PLCXD1: variants seen among roughly 807,000 people sequenced by gnomAD.
The protein encoded by PLCXD1 is phosphatidylinositol specific phospholipase C X domain containing 1, also known as PI-PLC X domain-containing protein 1.
In PLCXD1, 45 loss-of-function variants were observed where a neutral mutation model predicts 37.8. The ratio of observed to expected loss-of-function variants is 1.19; its 90% CI spans 0.94 to 1.53. The LOEUF (loss-of-function observed/expected upper bound fraction) is 1.53. Ranked by LOEUF, PLCXD1 falls within the 40% of genes most tolerant of loss-of-function variation. The pLI, the probability that PLCXD1 is intolerant of heterozygous loss-of-function variation, is 0.00. For missense variants in PLCXD1, 539 were observed against 454.7 expected (o/e 1.19, Z -1.69); for synonymous variants, 246 against 206.9 (o/e 1.19, Z -1.62).
At chrX:283,859 T>G (rs2069359216) in intron 1 of PLCXD1, 20 of 196,006 alleles carry the variant, frequency 1.0e-4, no homozygotes, top group East Asian at 2.6e-4. Context: ...CAAGGACCCC[T>G]TTTCCTCTCT....
rs747565311 is a variant in PLCXD1, at chrX:291,626, T to TG, written c.521_522insG (p.Ile174MetfsTer30). ...TACCTGGTCGCCTGTATCAAGAACA[T>TG]CTTCGGGGACATGCTGTGTCCTCGT... On this transcript the variant is annotated frameshift_variant, in exon 5 of 7. Coordinates refer to ENST00000381657, the MANE Select transcript of PLCXD1 (RefSeq NM_018390.4). LOFTEE classifies it high-confidence loss of function. 5.6e-6 allele frequency: 9 copies of TG among 1,612,790 alleles called. No individual in the cohort carries two copies. Among genetic ancestry groups the TG allele is most frequent in the Non-Finnish European group, 7.6e-6 (9 of 1,179,842 alleles).
chrX:290,608 C>T (rs754326919), intron 3 of PLCXD1, 40 bp from the exon 4 acceptor site: 40 of 1,609,274 alleles, frequency 2.5e-5, no homozygotes, highest in African/African-American at 5.3e-5. Flanking sequence ...CCAGACGCGG[C>T]GCTCAGCCAG....
chrX:285,155 C>T (rs749819172), intron 2 of PLCXD1, among the ~76,000 whole-genome samples: 8 of 151,650 alleles, frequency 5.3e-5, no homozygotes, highest in Non-Finnish European at 1.0e-4. Context: ...CACACATGCA[C>T]ATCCCCACAC....
chrX:278,521 C>G (rs1476597965), upstream of PLCXD1, among the ~76,000 whole-genome samples: 1 of 151,962 alleles, frequency 6.6e-6, no homozygotes, highest in African/African-American at 2.4e-5. Context: ...GGCAGATCAC[C>G]TGACGTCAGG....
chrX:296,119 G>GTTTGT (rs762946957), intron 6 of PLCXD1, among the ~76,000 whole-genome samples: 5 of 149,666 alleles, frequency 3.3e-5, no homozygotes, highest in Non-Finnish European at 5.9e-5. Context: ...GCCTTTTTTT[G>GTTTGT]TTTGTTTTGT....
In PLCXD1 at chrX:299,137, G is replaced by A; in HGVS notation, c.774G>A (p.Leu258=). 2 of 1,613,948 alleles carry A rather than the reference G, an allele frequency of 1.2e-6. No individual in the cohort carries two copies. Among genetic ancestry groups the A allele is most frequent in the Non-Finnish European group, 1.7e-6 (2 of 1,179,834 alleles). ...FVAGINLTEN[L]QYVLAHPSES... ...CCGGCATCAACCTCACGGAGAACCT[G>A]CAGTACGTTCTGGCGCACCCGTCCG... Residue 258 remains leucine, a synonymous_variant, in exon 7 of 7, where the codon CTG becomes CTA. Transcript: ENST00000381657.
chrX:284,339 C>T (rs780946269), intron 2 of PLCXD1, 25 bp downstream of exon 2: 77 of 1,611,836 alleles, frequency 4.8e-5, no homozygotes, highest in African/African-American at 1.6e-4. Context: ...GGGCAGGGGC[C>T]GTTGCCTCTA....
intron 1 of PLCXD1, among the ~76,000 whole-genome samples, chrX:282,615 G>T (rs1350920299): frequency 6.7e-5 from 10 of 150,242 alleles, no homozygotes; most frequent in African/African-American, 2.4e-4. Flanking sequence ...TGAGGCAGGA[G>T]AATTGCTTGA....
chrX:297,063 A>C (rs28473638), intron 6 of PLCXD1, among the ~76,000 whole-genome samples: 5 of 45,366 alleles, frequency 1.1e-4, no homozygotes, highest in African/African-American at 4.0e-4. Flanking sequence ...ATCTTTGGGG[A>C]CATTATTCTG....
At chrX:296,699 T>G (rs941849568) in intron 6 of PLCXD1, among the ~76,000 whole-genome samples, 6 of 152,308 alleles carry the variant, frequency 3.9e-5, no homozygotes, top group African/African-American at 1.4e-4. Context: ...TGGCACAGAC[T>G]TAGTGCCCAA....
rs779718568 is a variant in PLCXD1 at position 288,745 on chromosome X, C to T, written c.140C>T (p.Thr47Met). ...HHLSIPGSHD[T>M]MTYCLNKKSP... ...GCTTTGCTCTCAGGGAGCCACGACACGATGACGTACTGCCTGAACAAGAAG... is the reference window on the plus strand; with the variant it reads ...GCTTTGCTCTCAGGGAGCCACGACATGATGACGTACTGCCTGAACAAGAAG... Residue 47 changes from threonine (T) to methionine (M), a missense_variant, in exon 3 of 7, where the codon ACG becomes ATG. Transcript: ENST00000381657. 1.5e-5 allele frequency: 24 copies of T among 1,613,738 alleles called. No individual in the cohort carries two copies. Among genetic ancestry groups the T allele is most frequent in the Middle Eastern group, 3.3e-4 (2 of 6,070 alleles).
At chrX:285,735 A>T (rs969291992) in intron 2 of PLCXD1, among the ~76,000 whole-genome samples, 2 of 152,194 alleles carry the variant, frequency 1.3e-5, no homozygotes, top group African/African-American at 4.8e-5. Context: ...ACTCACATAT[A>T]GGCATACGGA....
chrX:288,706 A>T (rs6644980), intron 2 of PLCXD1, 27 bp from the exon 3 acceptor site: 2 of 1,612,336 alleles, frequency 1.2e-6, no homozygotes, highest in South Asian at 2.2e-5. Context: ...TCGTGGTGAC[A>T]TGTCCGCGTG....
Position 291,584 on chromosome X carries a change from G to A in PLCXD1, c.479G>A (p.Ser160Asn), listed in dbSNP as rs773327938. Reference sequence around the variant, plus strand: ...GCCTGCAGAAACTTCGAGGGGCTGAGCGAGGACCTGCACGAGTACCTGGTC... The same window carrying A: ...GCCTGCAGAAACTTCGAGGGGCTGAACGAGGACCTGCACGAGTACCTGGTC... ...ILACRNFEGLSEDLHEYLVAC... is the reference protein window; with the variant it reads ...ILACRNFEGLNEDLHEYLVAC... Residue 160 changes from serine to asparagine, a missense_variant, in exon 5 of 7, where the codon AGC becomes AAC. Ser to Asn is a conservative substitution (Grantham distance 46). Transcript: ENST00000381657. The A allele has an allele frequency of 1.9e-6, 3 of 1,613,134 alleles. No individual in the cohort carries two copies. The highest frequency in any genetic ancestry group is 2.2e-5 in the South Asian group (2 of 91,028).
chrX:290,695 C>G lies in PLCXD1; in HGVS notation c.312C>G (p.Asp104Glu), dbSNP rs11556996. The G allele has an allele frequency of 2.4e-4, 385 of 1,605,968 alleles. No individual in the cohort carries two copies. Among genetic ancestry groups the G allele is most frequent in the Non-Finnish European group, 2.2e-4 (257 of 1,174,020 alleles). Residue 104 changes from aspartate (D) to glutamate (E), a missense_variant, in exon 4 of 7, where the codon GAC (aspartate) becomes GAG (glutamate). Coordinates refer to ENST00000381657, the MANE Select transcript of PLCXD1 (RefSeq NM_018390.4). ...TGGATGCCGGGGTGCGGTACCTGGA[C>G]CTGCGGATAGCCCACATGCTGGAGG... Reference protein sequence around the residue: ...EQLDAGVRYLDLRIAHMLEGS... With the variant: ...EQLDAGVRYLELRIAHMLEGS...
At chrX:293,250 C>T (rs2069697063) in intron 6 of PLCXD1, 32 bp downstream of exon 6, 2 of 1,563,090 alleles carry the variant, frequency 1.3e-6, no homozygotes, top group Non-Finnish European at 8.8e-7. Context: ...GGGTAGATTC[C>T]ACACAGCCTC....
chrX:282,419 A>C lies in PLCXD1; in HGVS notation c.-22+735A>C, dbSNP rs187104907. Among the ~76,000 whole-genome samples, 98 of 151,504 alleles carry C rather than the reference A, an allele frequency of 6.5e-4. No individual in the cohort carries two copies. The East Asian group carries it at 0.01, about 16-fold the overall frequency. On this transcript the variant is annotated intron_variant, in intron 1 of 6. Coordinates refer to ENST00000381657, the MANE Select transcript of PLCXD1 (RefSeq NM_018390.4). ...AAACAAAACAAAAAAAAAACCGTAC[A>C]TACAGCTGGGCACCGTGGCTCACGC...
intron 2 of PLCXD1, among the ~76,000 whole-genome samples, chrX:286,808 TC>T (rs1264848876): frequency 1.3e-5 from 2 of 152,136 alleles, no homozygotes. Context: ...TTATCTTACT[TC>T]TGTTTCTTTC....
At position 299,535 on chromosome X, in the gene PLCXD1, G is replaced by A. The variant is rs2069933755; in HGVS notation, c.*200G>A. ...AGCACTTTGGGAGGCCGAGGTGGGT[G>A]GATCATGAGGTCAGGAGCTTGAGAG... is the stretch of plus-strand genomic sequence containing the variant. On this transcript the variant is annotated 3_prime_UTR_variant, in exon 7 of 7. Transcript: ENST00000381657. 1 of 605,434 alleles carries A rather than the reference G, an allele frequency of 1.7e-6. No individual in the cohort carries two copies. Among genetic ancestry groups the A allele is most frequent in the African/African-American group, 1.8e-5 (1 of 54,138 alleles). 37.5% of individuals were successfully genotyped at this position (605,434 alleles called of 1,614,324 possible). A position where few individuals can be genotyped will look rare whatever the true frequency, so the allele number is the denominator to read the frequency against.
Sources: allele counts gnomAD v4.1 joint callset (sites outside exome capture counted in the v4.1 genomes callset), GRCh38; gene constraint gnomAD v4.1.1; transcripts MANE v1.5; gene names NCBI Gene and HGNC (gene_info 2026-07-23, HGNC 2026-07-21).